Variants in ATP2C2 observed in about 807,000 individuals in gnomAD.
ATP2C2 encodes ATPase secretory pathway Ca2+ transporting 2.
Under a neutral mutation model 110.8 loss-of-function variants are expected in ATP2C2, and 171 were observed. The observed-to-expected ratio is 1.54, with a 90% CI of 1.36 to 1.75. ATP2C2 has a LOEUF of 1.75. Among genes scored for constraint, ATP2C2 ranks in the 40% most tolerant of loss-of-function variants. ATP2C2 has a pLI of 0.00. For missense variants in ATP2C2, 1,963 were observed against 1,235.0 expected, an observed-to-expected ratio of 1.59 and a Z score of -8.84; for synonymous variants, 804 against 508.4, an observed-to-expected ratio of 1.58 and a Z score of -7.82.
intron 1 of ATP2C2, among the ~76,000 whole-genome samples, chr16:84,390,583 T>G (rs192390435): frequency 6.6e-5 from 10 of 152,030 alleles, no homozygotes; most frequent in Admixed American, 2.0e-4. Context: ...GACCGTGACG[T>G]CCATAGAGAC....
intron 15 of ATP2C2, among the ~76,000 whole-genome samples, chr16:84,444,583 T>C (rs1029494132): frequency 1.3e-5 from 2 of 152,218 alleles, no homozygotes; most frequent in South Asian, 4.1e-4. Context: ...CGTTTTAAAA[T>C]AGTGCTGAGT....
intron 1 of ATP2C2, among the ~76,000 whole-genome samples, chr16:84,387,724 G>C (rs1488603332): frequency 6.6e-6 from 1 of 152,160 alleles, no homozygotes; most frequent in Non-Finnish European, 1.5e-5. Context: ...ACTTTGCTGG[G>C]TTGGCCCTTG....
intron 14 of ATP2C2, among the ~76,000 whole-genome samples, chr16:84,442,060 T>C (rs1234879792): frequency 6.6e-6 from 1 of 151,642 alleles, no homozygotes; most frequent in Non-Finnish European, 1.5e-5. Context: ...TCCCACTCTT[T>C]TTGCTTGTCT....
chr16:84,461,098 T>TCA, intron 24 of ATP2C2: 1 of 399,802 alleles, frequency 2.5e-6, no homozygotes, highest in East Asian at 4.4e-5. Context: ...CCCTGTTCCC[T>TCA]TGTCACCAGG....
intron 18 of ATP2C2, 82 bp downstream of exon 18, chr16:84,452,173 C>T (rs952736623): frequency 3.9e-6 from 6 of 1,556,074 alleles, no homozygotes; most frequent in South Asian, 1.2e-5. Flanking sequence ...AGGGAAGCCT[C>T]CGCAAACTCG....
intron 21 of ATP2C2, among the ~76,000 whole-genome samples, chr16:84,456,227 G>C (rs1910777213): frequency 7.4e-6 from 1 of 134,562 alleles, no homozygotes; most frequent in South Asian, 2.6e-4. Context: ...TTGTACCTCT[G>C]GTAGAATTCG....
chr16:84,462,076 T>C lies in ATP2C2; in HGVS notation c.2669T>C (p.Ile890Thr). 6.2e-7 allele frequency: 1 copy of C among 1,613,930 alleles called. No homozygotes were observed. The highest frequency in any genetic ancestry group is 8.5e-7 in the Non-Finnish European group (1 of 1,179,924). Residue 890 changes from isoleucine to threonine, a missense_variant, in exon 26 of 27, where the codon ATT becomes ACT. By Grantham distance (89) the Ile-to-Thr change is moderately conservative. Coordinates refer to ENST00000262429, the MANE Select transcript of ATP2C2 (RefSeq NM_014861.4). ...LGSILGQLAV[I>T]YIPPLQRVFQ... ...TCCATCCTGGGGCAGCTGGCGGTCA[T>C]TTACATCCCCCCGCTGCAGAGGGTC... is the stretch of plus-strand genomic sequence containing the variant.
intron 11 of ATP2C2, among the ~76,000 whole-genome samples, chr16:84,435,835 A>G (rs1324279426): frequency 6.7e-6 from 1 of 149,142 alleles, no homozygotes; most frequent in South Asian, 2.2e-4. Context: ...TCAAAAAAAA[A>G]AATAAAAAAC....
intron 1 of ATP2C2, among the ~76,000 whole-genome samples, chr16:84,379,612 T>C (rs987415639): frequency 1.3e-5 from 2 of 152,202 alleles, no homozygotes; most frequent in African/African-American, 2.4e-5. Context: ...CCCAGCAATC[T>C]GAGACTCAGC....
intron 17 of ATP2C2, among the ~76,000 whole-genome samples, chr16:84,449,304 A>G (rs986075911): frequency 3.9e-5 from 6 of 152,238 alleles, no homozygotes; most frequent in Non-Finnish European, 4.4e-5. Context: ...AGGCTTGCTC[A>G]GAGGTGTACG....
At chr16:84,438,581 C>A (rs1043693902) in intron 11 of ATP2C2, among the ~76,000 whole-genome samples, 1 of 152,152 alleles carries the variant, frequency 6.6e-6, no homozygotes, top group African/African-American at 2.4e-5. Context: ...AGAGTGGGGT[C>A]GCACCGTACA....
intron 1 of ATP2C2, 45 bp downstream of exon 1, chr16:84,368,759 A>G: frequency 1.4e-6 from 2 of 1,425,862 alleles, no homozygotes; most frequent in Non-Finnish European, 1.9e-6. Context: ...CCGACCCCCC[A>G]TCCCCTCCGT....
chr16:84,447,155 C>T (rs1428773387), intron 16 of ATP2C2, among the ~76,000 whole-genome samples: 1 of 152,128 alleles, frequency 6.6e-6, no homozygotes, highest in Non-Finnish European at 1.5e-5. Context: ...CTCTTCCCTC[C>T]CACTCTTTCT....
intron 6 of ATP2C2, among the ~76,000 whole-genome samples, chr16:84,413,064 C>G (rs1906521084): frequency 6.7e-6 from 1 of 150,252 alleles, no homozygotes; most frequent in African/African-American, 2.5e-5. Flanking sequence ...CTCCATTGTA[C>G]TCCAGCCTGT....
chr16:84,429,501 G>A (rs957806019), intron 11 of ATP2C2, among the ~76,000 whole-genome samples: 2 of 152,146 alleles, frequency 1.3e-5, no homozygotes, highest in Admixed American at 1.3e-4. Flanking sequence ...ACTGTGTATA[G>A]CACGTGACTG....
chr16:84,406,747 G>T lies in ATP2C2; in HGVS notation c.327+1503G>T, dbSNP rs540799954. ...CGGAAGTTGGGGTTCAGGGAAGGAG[G>T]CCGAGACATGGGCTGTGAGGGAGGA... On this transcript the variant is annotated intron_variant, in intron 3 of 26. Transcript: ENST00000262429. 7.5e-6 allele frequency: 5 copies of T among 669,644 alleles called. No homozygotes were observed. The East Asian group carries it at 4.1e-4, about 55-fold the overall frequency. The allele number at this position is 669,644 out of a possible 1,614,324, so 41.5% of individuals were successfully genotyped here.
chr16:84,438,924 T>C, intron 11 of ATP2C2: 1 of 453,752 alleles, frequency 2.2e-6, no homozygotes, highest in Non-Finnish European at 3.9e-6. Context: ...TAATTCACAT[T>C]AAGGTGTGGA....
chr16:84,431,510 G>T (rs1908275353), intron 11 of ATP2C2, among the ~76,000 whole-genome samples: 1 of 152,014 alleles, frequency 6.6e-6, no homozygotes, highest in African/African-American at 2.4e-5. Context: ...CGAAAAAAAG[G>T]GAGGTAGAAG....
At chr16:84,458,596 C>T (rs563580731) in intron 21 of ATP2C2, among the ~76,000 whole-genome samples, 18 of 152,128 alleles carry the variant, frequency 1.2e-4, no homozygotes, top group African/African-American at 2.7e-4. Context: ...ACCCACGGTG[C>T]GTAATTGTTT....
Sources: gnomAD v4.1 joint callset for allele counts (sites outside exome capture counted in the v4.1 genomes callset) on GRCh38, gnomAD v4.1.1 for gene constraint, MANE v1.5 for transcripts, NCBI Gene and HGNC (gene_info 2026-07-23, HGNC 2026-07-21) for gene names.